BRWD1: variants seen among roughly 807,000 people sequenced by gnomAD.
The protein encoded by BRWD1 is bromodomain and WD repeat-containing protein 1.
A neutral mutation model predicts 251.2 loss-of-function variants in BRWD1; 82 were observed. That is an observed-to-expected ratio of 0.33 (90% confidence interval 0.27 to 0.39). BRWD1 has a LOEUF of 0.39. BRWD1 is among the 10% of genes least tolerant of loss of function. The pLI is 1.00. For missense variants in BRWD1, 2,233 were observed against 2,711.6 expected, an observed-to-expected ratio of 0.82 and a Z score of 3.92; for synonymous variants, 918 against 902.8, an observed-to-expected ratio of 1.02 and a Z score of -0.30.
chr21:39,216,518 G>A (rs1385972748), intron 31 of BRWD1: 1 of 158,864 alleles, frequency 6.3e-6, no homozygotes, highest in Non-Finnish European at 1.4e-5. Context: ...GTGAGAGCCT[G>A]TGCTTAAATA....
chr21:39,289,559 T>G (rs532746090), intron 8 of BRWD1, among the ~76,000 whole-genome samples: 2 of 152,348 alleles, frequency 1.3e-5, no homozygotes, highest in South Asian at 4.1e-4. Context: ...AGAATTCCCT[T>G]TAATGTTGTT....
chr21:39,290,731 T>G (rs565582347), intron 8 of BRWD1, among the ~76,000 whole-genome samples: 2 of 152,332 alleles, frequency 1.3e-5, no homozygotes, highest in South Asian at 2.1e-4. Flanking sequence ...CTGTGAAACC[T>G]AGCAAGAATT....
At position 39,313,012 on chromosome 21, in the gene BRWD1, C is replaced by G. The variant is rs1431136494; in HGVS notation, c.138+60G>C. 2.7e-5 allele frequency: 31 copies of G among 1,156,304 alleles called. No individual in the cohort carries two copies. The Middle Eastern group carries it at 9.9e-4, about 37-fold the overall frequency. 71.6% of individuals were successfully genotyped at this position (1,156,304 alleles called of 1,614,324 possible). On this transcript the variant is annotated intron_variant, in intron 3 of 40. Transcript: ENST00000342449. ...GCGGGCGGGGGGCGCGGGCGAGCATCCCTCAGGGCAAGGTCGGCAGGAGGA... is the reference window on the plus strand; with the variant it reads ...GCGGGCGGGGGGCGCGGGCGAGCATGCCTCAGGGCAAGGTCGGCAGGAGGA...
intron 18 of BRWD1, 54 bp downstream of exon 18, chr21:39,258,433 T>C: frequency 7.2e-7 from 1 of 1,388,600 alleles, no homozygotes; most frequent in Non-Finnish European, 9.6e-7. Context: ...CTTCGTTTAC[T>C]CTTTAATTTC....
upstream of BRWD1, chr21:39,315,745 A>AT (rs2036690456): frequency 1.6e-5 from 1 of 63,428 alleles, no homozygotes; most frequent in Non-Finnish European, 3.9e-5. Flanking sequence ...AGTGATGGAG[A>AT]TTAAAAAAAA....
intron 34 of BRWD1, among the ~76,000 whole-genome samples, chr21:39,212,085 T>C (rs905916389): frequency 2.0e-4 from 30 of 152,084 alleles, no homozygotes; most frequent in African/African-American, 7.0e-4. Context: ...TCCTAGTTAG[T>C]TTTCCCTAAA....
upstream of BRWD1, among the ~76,000 whole-genome samples, chr21:39,316,887 C>A (rs1365831650): frequency 1.3e-5 from 2 of 152,158 alleles, no homozygotes; most frequent in Admixed American, 6.5e-5. Flanking sequence ...TGCAGTGACC[C>A]ATGATCACAG....
At chr21:39,223,220 G>A (rs942432141) in intron 29 of BRWD1, among the ~76,000 whole-genome samples, 1 of 152,102 alleles carries the variant, frequency 6.6e-6, no homozygotes, top group South Asian at 2.1e-4. Flanking sequence ...AGCTGTATAA[G>A]AAGGGAAATA....
In BRWD1 at chr21:39,277,284, T is replaced by C. The variant is rs753727241; in HGVS notation, c.1071A>G (p.Ala357=). Residue 357 remains alanine, a synonymous_variant, in exon 11 of 41, where the codon GCA becomes GCG. Coordinates refer to ENST00000342449, the MANE Select transcript of BRWD1 (RefSeq NM_033656.4). The part of the protein sequence containing the change: ...VIRMYFLGFE[A]PEKIAELESH... ...TTTCAAGTTCTGCGATTTTTTCGGG[T>C]GCTTCAAAACCCAAAAAATACATTC... 1.2e-5 allele frequency: 19 copies of C among 1,611,364 alleles called. No homozygotes were observed. Among genetic ancestry groups the C allele is most frequent in the South Asian group, 2.2e-5 (2 of 90,584 alleles).
chr21:39,303,380 A>C (rs764851683), intron 4 of BRWD1, among the ~76,000 whole-genome samples: 1 of 151,526 alleles, frequency 6.6e-6, no homozygotes, highest in Non-Finnish European at 1.5e-5. Context: ...TTAGCCGGGC[A>C]TGGTAGCAGG....
chr21:39,195,978 G>A lies in BRWD1; in HGVS notation c.*281C>T. 1 of 1,090,518 alleles carries A rather than the reference G, an allele frequency of 9.2e-7. No homozygotes were observed. The highest frequency in any genetic ancestry group is 1.1e-6 in the Non-Finnish European group (1 of 898,798). The allele number at this position is 1,090,518 out of a possible 1,614,324, so 67.6% of individuals were successfully genotyped here. A position where few individuals can be genotyped will look rare whatever the true frequency, so the allele number is the denominator to read the frequency against. On this transcript the variant is annotated 3_prime_UTR_variant, in exon 41 of 41. Transcript: ENST00000342449. ...TTGGTTTTGATAACCAGGATGTCTA[G>A]TGTTTAACATATTTCAAACTCTTGC...
chr21:39,292,827 CA>C (rs1246907044), intron 8 of BRWD1, among the ~76,000 whole-genome samples: 8 of 152,168 alleles, frequency 5.3e-5, no homozygotes, highest in Non-Finnish European at 1.2e-4. Context: ...TTGTAACATG[CA>C]GGCTTCGTTT....
Position 39,225,123 on chromosome 21 carries a change from G to A in BRWD1, c.3283C>T (p.Gln1095Ter). The A allele has an allele frequency of 6.2e-7, 1 of 1,612,808 alleles. No homozygotes were observed. The highest frequency in any genetic ancestry group is 8.5e-7 in the Non-Finnish European group (1 of 1,178,932). ...CACTGGAAATGACTATCAGGATACT[G>A]TGGTTGATATGGCTCTTGACTTAAC... ...TVLSQEPYQP[Q>*]YPDSHFQCYI... The change falls in exon 28 of 41, where the codon CAG (glutamine) becomes TAG (stop). Residue 1095 changes from glutamine to a stop codon, truncating the protein, a stop_gained. Coordinates refer to ENST00000342449, the MANE Select transcript of BRWD1 (RefSeq NM_033656.4). LOFTEE classifies it high-confidence loss of function.
chr21:39,246,947 A>G (rs2034211553), intron 21 of BRWD1, among the ~76,000 whole-genome samples: 1 of 151,852 alleles, frequency 6.6e-6, no homozygotes, highest in South Asian at 2.1e-4. Flanking sequence ...CTGGGCCACC[A>G]CTCACCTGTA....
upstream of BRWD1, among the ~76,000 whole-genome samples, chr21:39,318,171 C>A (rs1319862069): frequency 6.6e-6 from 1 of 152,068 alleles, no homozygotes; most frequent in Non-Finnish European, 1.5e-5. Flanking sequence ...TTCCAAATCA[C>A]CACTTAGGAA....
intron 8 of BRWD1, among the ~76,000 whole-genome samples, chr21:39,285,604 T>C (rs1335413373): frequency 6.6e-6 from 1 of 152,148 alleles, no homozygotes; most frequent in Non-Finnish European, 1.5e-5. Context: ...ACAAGTATTA[T>C]AGGTCAACTA....
intron 21 of BRWD1, among the ~76,000 whole-genome samples, chr21:39,241,171 T>C (rs542086065): frequency 1.7e-4 from 26 of 151,772 alleles, no homozygotes; most frequent in East Asian, 1.2e-3. Flanking sequence ...AATAAGTTTA[T>C]GATAAATAAC....
At chr21:39,220,012 G>A (rs766441893) in intron 29 of BRWD1, among the ~76,000 whole-genome samples, 2 of 151,854 alleles carry the variant, frequency 1.3e-5, no homozygotes, top group Non-Finnish European at 2.9e-5. Context: ...CGCTGTACAG[G>A]CAGGCAACAT....
intron 4 of BRWD1, among the ~76,000 whole-genome samples, chr21:39,300,479 C>T (rs1347748700): frequency 1.3e-5 from 2 of 152,210 alleles, no homozygotes; most frequent in Admixed American, 1.3e-4. Flanking sequence ...AAATGTCAAA[C>T]TCTGCTGGAA....
Sources: allele counts gnomAD v4.1 joint callset (sites outside exome capture counted in the v4.1 genomes callset), GRCh38; gene constraint gnomAD v4.1.1; transcripts MANE v1.5; gene names NCBI Gene and HGNC (gene_info 2026-07-23, HGNC 2026-07-21).